The following CCDC63 variants were observed in gnomAD, a reference collection of about 807,000 sequenced individuals.
The protein encoded by CCDC63 is coiled-coil domain containing 63, also known as coiled-coil domain-containing protein 63.
In CCDC63, 54 loss-of-function variants were observed where a neutral mutation model predicts 63.6. That is an observed-to-expected ratio of 0.85 (90% CI 0.68 to 1.07). CCDC63 has a LOEUF of 1.07. CCDC63 is among the 50% of genes least tolerant of loss of function. The probability of loss-of-function intolerance (pLI) is 0.00; values close to 1 mark genes in which losing one functional copy is unlikely to be tolerated. For missense variants in CCDC63, 637 were observed against 689.6 expected (o/e 0.92, Z 0.86); for synonymous variants, 253 against 266.1 (o/e 0.95, Z 0.48).
chr12:110,890,302 CAA>C (rs879759807), intron 8 of CCDC63, among the ~76,000 whole-genome samples: 1 of 132,998 alleles, frequency 7.5e-6, no homozygotes, highest in East Asian at 2.1e-4. Context: ...GACCCTGTCT[CAA>C]AAAAAAAAAA....
chr12:110,888,385 A>G (rs1212554833), intron 8 of CCDC63, among the ~76,000 whole-genome samples: 1 of 151,822 alleles, frequency 6.6e-6, no homozygotes, highest in Admixed American at 6.6e-5. Context: ...GATTTTCCCC[A>G]CTCCTCATAA....
intron 3 of CCDC63, among the ~76,000 whole-genome samples, chr12:110,855,827 C>T (rs946995438): frequency 1.3e-5 from 2 of 151,922 alleles, no homozygotes; most frequent in South Asian, 2.1e-4. Context: ...GTGATCCACC[C>T]GCCTCGGCCT....
At chr12:110,875,934 A>G (rs1049152806) in intron 5 of CCDC63, among the ~76,000 whole-genome samples, 12 of 152,100 alleles carry the variant, frequency 7.9e-5, no homozygotes, top group African/African-American at 2.9e-4. Flanking sequence ...TCTACTAAAA[A>G]TACAAAAAAA....
At chr12:110,880,724 T>TG (rs1566129342) in intron 6 of CCDC63, among the ~76,000 whole-genome samples, 9 of 21,738 alleles carry the variant, frequency 4.1e-4, no homozygotes, top group African/African-American at 6.7e-4. Flanking sequence ...GTGATGATGG[T>TG]TATAGTGATG....
intron 4 of CCDC63, among the ~76,000 whole-genome samples, chr12:110,872,700 A>T (rs964372191): frequency 2.0e-5 from 3 of 152,132 alleles, no homozygotes; most frequent in Non-Finnish European, 2.9e-5. Flanking sequence ...ATCATGGCTC[A>T]CTGCAGCTTC....
chr12:110,886,310 C>T (rs573479498), intron 8 of CCDC63, among the ~76,000 whole-genome samples: 1 of 151,808 alleles, frequency 6.6e-6, no homozygotes, highest in African/African-American at 2.4e-5. Flanking sequence ...CCTTTGAACC[C>T]GGGAGGTGGA....
At chr12:110,888,037 C>T (rs1393007187) in intron 8 of CCDC63, among the ~76,000 whole-genome samples, 1 of 152,182 alleles carries the variant, frequency 6.6e-6, no homozygotes, top group Non-Finnish European at 1.5e-5. Context: ...CTGACACCTC[C>T]CGCCCACATT....
chr12:110,897,866 A>C (rs1351394096), intron 9 of CCDC63, among the ~76,000 whole-genome samples: 2 of 151,568 alleles, frequency 1.3e-5, no homozygotes, highest in Non-Finnish European at 2.9e-5. Flanking sequence ...CAGTAGCTGG[A>C]ATTACAGGCA....
chr12:110,880,196 C>A lies in CCDC63; in HGVS notation c.671+109C>A, dbSNP rs1454517282. ...CCCTGGTCGTTATGTGTTGGGGAAT[C>A]TTAAATCATAGTAGTAATAATTCTG... is the stretch of plus-strand genomic sequence containing the variant. On this transcript the variant is annotated intron_variant, in intron 6 of 11. Transcript: ENST00000308208. 6 of 924,274 alleles carry A rather than the reference C, an allele frequency of 6.5e-6. No homozygotes were observed. The African/African-American group carries it at 6.6e-5, about 10-fold the overall frequency. The allele number at this position is 924,274 out of a possible 1,614,324, so 57.3% of individuals were successfully genotyped here.
intron 5 of CCDC63, among the ~76,000 whole-genome samples, chr12:110,877,704 C>CTTTT (rs869085659): frequency 2.8e-5 from 4 of 142,908 alleles, no homozygotes; most frequent in African/African-American, 7.9e-5. Flanking sequence ...GACTTTCTTT[C>CTTTT]TTTCTTTTTT....
intron 5 of CCDC63, among the ~76,000 whole-genome samples, chr12:110,876,243 C>A (rs183741737): frequency 1.1e-3 from 151 of 138,422 alleles, no homozygotes; most frequent in Non-Finnish European, 1.8e-3. Flanking sequence ...CTTTCCCCCC[C>A]ACAATCAGAG....
chr12:110,845,059 A>G (rs911290303), upstream of CCDC63, among the ~76,000 whole-genome samples: 5 of 152,170 alleles, frequency 3.3e-5, no homozygotes, highest in African/African-American at 1.2e-4. Flanking sequence ...CCCGCTGATA[A>G]AGCAGAAGGT....
In CCDC63 at chr12:110,858,729, C is replaced by A. The variant is rs999713610; in HGVS notation, c.323C>A (p.Ala108Glu). Residue 108 changes from alanine to glutamate, a missense_variant, in exon 4 of 12, where the codon GCA (alanine) becomes GAA (glutamate). Coordinates refer to ENST00000308208, the MANE Select transcript of CCDC63 (RefSeq NM_152591.3). ...CTCCAAACTAAGGAGGACTATGAGG[C>A]ATTGATTAAATCCCTGAAAGTGCTG... ...LLLQTKEDYE[A>E]LIKSLKVLLA... 3.7e-6 allele frequency: 6 copies of A among 1,613,926 alleles called. No individual in the cohort carries two copies. The African/African-American group carries it at 6.7e-5, about 18-fold the overall frequency.
At chr12:110,885,576 C>T (rs1055937253) in intron 8 of CCDC63, among the ~76,000 whole-genome samples, 34 of 152,202 alleles carry the variant, frequency 2.2e-4, no homozygotes, top group Non-Finnish European at 4.4e-4. Flanking sequence ...CTGCCAGCCC[C>T]AGCTGTCCCA....
In CCDC63 at chr12:110,907,222, G is replaced by A; in HGVS notation, c.1547-109G>A. On this transcript the variant is annotated intron_variant, in intron 11 of 11. Transcript: ENST00000308208. This position sits in a 1 kb window ranked among gnomAD's most constrained non-coding sequence, Gnocchi z 4.4. Reference sequence around the variant, plus strand: ...CATTCTCCCCCTCCTTGAAACCTGAGAATTTCCATGCTCCACTCCCCAGTG... The same window carrying A: ...CATTCTCCCCCTCCTTGAAACCTGAAAATTTCCATGCTCCACTCCCCAGTG... The A allele has an allele frequency of 9.4e-7, 1 of 1,067,250 alleles. No homozygotes were observed. Among genetic ancestry groups the A allele is most frequent in the Non-Finnish European group, 1.3e-6 (1 of 757,978 alleles). The allele number at this position is 1,067,250 out of a possible 1,614,324, so 66.1% of individuals were successfully genotyped here.
intron 3 of CCDC63, among the ~76,000 whole-genome samples, chr12:110,858,322 T>G (rs2070805453): frequency 6.6e-6 from 1 of 151,816 alleles, no homozygotes; most frequent in Non-Finnish European, 1.5e-5. Flanking sequence ...GAGTAATGGG[T>G]TTTGACAGGC....
At chr12:110,871,577 T>TGA (rs1251578681) in intron 4 of CCDC63, among the ~76,000 whole-genome samples, 1 of 150,888 alleles carries the variant, frequency 6.6e-6, no homozygotes, top group African/African-American at 2.4e-5. Context: ...TTTTTTTTTT[T>TGA]GAGACAGAGA....
intron 1 of CCDC63, among the ~76,000 whole-genome samples, chr12:110,851,456 A>G (rs2070704228): frequency 6.6e-6 from 1 of 151,722 alleles, no homozygotes; most frequent in African/African-American, 2.4e-5. Flanking sequence ...TCCACCATTC[A>G]CTCTGGTTGG....
chr12:110,901,393 A>T (rs568600025), intron 10 of CCDC63, among the ~76,000 whole-genome samples: 12 of 151,780 alleles, frequency 7.9e-5, no homozygotes, highest in Non-Finnish European at 1.8e-4. Flanking sequence ...CTATTTATTT[A>T]TTTTTATTTT....
Sources: gnomAD v4.1 joint callset for allele counts (sites outside exome capture counted in the v4.1 genomes callset) on GRCh38, gnomAD v4.1.1 for gene constraint, Gnocchi (gnomAD v3.1) non-coding constraint, MANE v1.5 for transcripts, NCBI Gene and HGNC (gene_info 2026-07-23, HGNC 2026-07-21) for gene names.